The following CDKAL1 variants were observed in gnomAD, a reference collection of about 807,000 sequenced individuals.
CDKAL1 encodes CDKAL1 threonylcarbamoyladenosine tRNA methylthiotransferase.
A neutral mutation model predicts 68.2 loss-of-function variants in CDKAL1; 32 were observed. The ratio of observed to expected loss-of-function variants is 0.47; its 90% CI spans 0.35 to 0.63. The LOEUF (loss-of-function observed/expected upper bound fraction) is 0.63. Among genes scored for constraint, CDKAL1 ranks in the 30% least tolerant of loss-of-function variants. The pLI is 0.00. For missense variants in CDKAL1, 606 were observed against 696.7 expected, an observed-to-expected ratio of 0.87 and a Z score of 1.47; for synonymous variants, 234 against 244.3, an observed-to-expected ratio of 0.96 and a Z score of 0.39.
intron 4 of CDKAL1, among the ~76,000 whole-genome samples, chr6:20,590,433 G>T (rs745798124): frequency 6.6e-6 from 1 of 151,894 alleles, no homozygotes; most frequent in Non-Finnish European, 1.5e-5. Flanking sequence ...AGGTATACAC[G>T]TGCCACGGTG....
intron 4 of CDKAL1, among the ~76,000 whole-genome samples, chr6:20,551,647 G>C (rs1290559716): frequency 6.6e-6 from 1 of 152,136 alleles, no homozygotes; most frequent in African/African-American, 2.4e-5. Flanking sequence ...TAGGATTACA[G>C]GTGTGAGCCA....
chr6:20,702,231 C>T (rs1193469482), intron 5 of CDKAL1, among the ~76,000 whole-genome samples: 1 of 152,170 alleles, frequency 6.6e-6, no homozygotes, highest in Non-Finnish European at 1.5e-5. Flanking sequence ...TACAGACGGG[C>T]AGGTCGTGGG....
rs544246652 is a variant in CDKAL1, at chr6:21,048,432, G to T, written c.1056-16616G>T. On this transcript the variant is annotated intron_variant, in intron 11 of 15. Transcript: ENST00000274695. ...TATAAATCTGGGTTTTGATTTAAAT[G>T]ATTTTATAATTTCTAGTCCATAAAT... Among the ~76,000 whole-genome samples the T allele has an allele frequency of 2.0e-5, 3 of 152,158 alleles. No homozygotes were observed. The East Asian group carries it at 5.8e-4, about 29-fold the overall frequency.
intron 8 of CDKAL1, among the ~76,000 whole-genome samples, chr6:20,820,664 G>C (rs1185373737): frequency 1.3e-5 from 2 of 152,090 alleles, no homozygotes; most frequent in Non-Finnish European, 2.9e-5. Context: ...TCAAGTCCTG[G>C]TTCGGCTACT....
chr6:20,909,700 G>A (rs1330830201), intron 9 of CDKAL1, among the ~76,000 whole-genome samples: 1 of 152,194 alleles, frequency 6.6e-6, no homozygotes, highest in African/African-American at 2.4e-5. Context: ...GCCTATACTT[G>A]TAGGAAGGAA....
At chr6:20,722,502 G>T in intron 5 of CDKAL1, 1 of 330,458 alleles carries the variant, frequency 3.0e-6, no homozygotes, top group East Asian at 8.9e-5. Flanking sequence ...AATGGGTTTA[G>T]TATGCCCACC....
chr6:21,022,809 T>A (rs542864444), intron 11 of CDKAL1, among the ~76,000 whole-genome samples: 19 of 152,210 alleles, frequency 1.2e-4, no homozygotes, highest in Non-Finnish European at 2.4e-4. Flanking sequence ...TACTTTCTAT[T>A]CATTTCTAAC....
chr6:20,977,431 T>C lies in CDKAL1; in HGVS notation c.909+21846T>C, dbSNP rs900753713. On this transcript the variant is annotated intron_variant, in intron 10 of 15. Transcript: ENST00000274695. ...CTGAAGACCTTGGTTCTAACTCTAA[T>C]TTTAGCACTATGTAACCATGTGAAC... Among the ~76,000 whole-genome samples the C allele has an allele frequency of 2.0e-5, 3 of 152,200 alleles. 1 individual carries two copies. Among genetic ancestry groups the C allele is most frequent in the South Asian group, 4.1e-4 (2 of 4,832 alleles).
intron 2 of CDKAL1, among the ~76,000 whole-genome samples, chr6:20,546,060 A>G (rs1425197040): frequency 6.6e-6 from 1 of 151,242 alleles, no homozygotes; most frequent in Non-Finnish European, 1.5e-5. Context: ...TTCCTCTCCT[A>G]CTTTTTCCTA....
chr6:20,721,281 G>A (rs945303644), intron 5 of CDKAL1, among the ~76,000 whole-genome samples: 10 of 152,160 alleles, frequency 6.6e-5, no homozygotes, highest in East Asian at 1.9e-4. Flanking sequence ...TCCCTACAAA[G>A]GACATGAACT....
At chr6:20,563,880 T>A (rs1306190417) in intron 4 of CDKAL1, among the ~76,000 whole-genome samples, 1 of 152,176 alleles carries the variant, frequency 6.6e-6, no homozygotes, top group Non-Finnish European at 1.5e-5. Context: ...TTGCTTATAA[T>A]ACAGAATAAT....
At chr6:20,885,146 CT>C (rs942451911) in intron 9 of CDKAL1, among the ~76,000 whole-genome samples, 3 of 151,964 alleles carry the variant, frequency 2.0e-5, no homozygotes, top group East Asian at 3.9e-4. Flanking sequence ...CAGCACTCCC[CT>C]TTTTTTTGCA....
At chr6:20,636,812 G>A (rs1767923305) in intron 4 of CDKAL1, among the ~76,000 whole-genome samples, 2 of 152,154 alleles carry the variant, frequency 1.3e-5, no homozygotes, top group Non-Finnish European at 2.9e-5. Context: ...CGAGGCGGGT[G>A]GATCATCTGA....
At chr6:21,175,285 C>A (rs554903718) in intron 13 of CDKAL1, among the ~76,000 whole-genome samples, 2 of 152,276 alleles carry the variant, frequency 1.3e-5, no homozygotes, top group Admixed American at 1.3e-4. Context: ...CTTTGGCTTA[C>A]AAATCACTTA....
At chr6:20,629,337 A>G (rs757345831) in intron 4 of CDKAL1, among the ~76,000 whole-genome samples, 1 of 152,038 alleles carries the variant, frequency 6.6e-6, no homozygotes, top group Non-Finnish European at 1.5e-5. Context: ...GATTTGTCCT[A>G]TTATTGGTGA....
chr6:21,192,008 T>C (rs1364738435), intron 13 of CDKAL1, among the ~76,000 whole-genome samples: 1 of 73,506 alleles, frequency 1.4e-5, no homozygotes, highest in Non-Finnish European at 2.8e-5. Context: ...TTTTTTTTTT[T>C]TTTTTTTTTT....
At chr6:20,870,997 G>T (rs1258899693) in intron 9 of CDKAL1, among the ~76,000 whole-genome samples, 1 of 152,122 alleles carries the variant, frequency 6.6e-6, no homozygotes. Flanking sequence ...AGAGTAAGTT[G>T]TTATATTTAC....
intron 5 of CDKAL1, among the ~76,000 whole-genome samples, chr6:20,671,329 G>A (rs1769803400): frequency 6.6e-6 from 1 of 152,086 alleles, no homozygotes; most frequent in South Asian, 2.1e-4. Context: ...AATCATTCAT[G>A]TCTCTTATTG....
At position 20,613,271 on chromosome 6, in the gene CDKAL1, T is replaced by C. The variant is rs1458143158; in HGVS notation, c.287-36022T>C. Among the ~76,000 whole-genome samples, 48 of 96,526 alleles carry C rather than the reference T, an allele frequency of 5.0e-4. 2 individuals carry two copies. The highest frequency in any genetic ancestry group is 2.0e-3 in the South Asian group (5 of 2,538). 63.3% of individuals were successfully genotyped at this position (96,526 alleles called of 152,430 possible). Reference sequence around the variant, plus strand: ...TTTCTTTTTTTTTTTTTTTTTTTTTTTTTTTTTTTTTTTTTTTTTTTGAGA... The same window carrying C: ...TTTCTTTTTTTTTTTTTTTTTTTTTCTTTTTTTTTTTTTTTTTTTTTGAGA... On this transcript the variant is annotated intron_variant, in intron 4 of 15. Coordinates refer to ENST00000274695, the MANE Select transcript of CDKAL1 (RefSeq NM_017774.3).
Sources: gnomAD v4.1 joint callset for allele counts (sites outside exome capture counted in the v4.1 genomes callset) on GRCh38, gnomAD v4.1.1 for gene constraint, MANE v1.5 for transcripts, NCBI Gene and HGNC (gene_info 2026-07-23, HGNC 2026-07-21) for gene names.